The following ABCB1 variants were observed in gnomAD, a reference collection of about 807,000 sequenced individuals.
The protein encoded by ABCB1 is ATP binding cassette subfamily B member 1, also known as ATP-dependent translocase ABCB1.
A neutral mutation model predicts 142.0 loss-of-function variants in ABCB1; 69 were observed. The ratio of observed to expected loss-of-function variants is 0.49; its 90% CI spans 0.40 to 0.59. The LOEUF (loss-of-function observed/expected upper bound fraction) is 0.59, where lower values mean the gene tolerates loss of function less well. Ranked by LOEUF, ABCB1 falls within the 20% of genes least tolerant of loss-of-function variation. The pLI is 0.00. For synonymous variants in ABCB1, 532 were observed against 539.2 expected, an observed-to-expected ratio of 0.99 and a Z score of 0.18; for missense variants, 1,326 against 1,554.7, an observed-to-expected ratio of 0.85 and a Z score of 2.47.
Position 87,550,170 on chromosome 7 carries a change from C to T in ABCB1, c.1350+1G>A. 2 of 1,614,226 alleles carry T rather than the reference C, an allele frequency of 1.2e-6. No individual in the cohort carries two copies. The highest frequency in any genetic ancestry group is 1.7e-6 in the Non-Finnish European group (2 of 1,180,046). On this transcript the variant is annotated splice_donor_variant, in intron 12 of 27. Coordinates refer to ENST00000622132, the MANE Select transcript of ABCB1 (RefSeq NM_001348946.2). LOFTEE classifies it high-confidence loss of function. The stretch of plus-strand genomic sequence containing the variant: ...GGTCTAGCTCGCATGGGTCATCTCA[C>T]CATCCCCTCTGTGGGGTCATAGAGC...
At chr7:87,513,406 G>C (rs1239657847) in intron 25 of ABCB1, among the ~76,000 whole-genome samples, 2 of 152,038 alleles carry the variant, frequency 1.3e-5, no homozygotes, top group African/African-American at 4.8e-5. Context: ...TATACTTGCA[G>C]AATAATCATT....
intron 1 of ABCB1, among the ~76,000 whole-genome samples, chr7:87,704,507 C>T (rs1829419295): frequency 1.3e-5 from 2 of 152,190 alleles, no homozygotes; most frequent in Non-Finnish European, 2.9e-5. Flanking sequence ...AGAAATGTAG[C>T]ATTTGGACCT....
chr7:87,531,983 A>T lies in ABCB1; in HGVS notation c.2482-486T>A, dbSNP rs187161011. On this transcript the variant is annotated intron_variant, in intron 20 of 27. Coordinates refer to ENST00000622132, the MANE Select transcript of ABCB1 (RefSeq NM_001348946.2). ...GCTGAAAATTATGGAATTTAATTTAAGATAGTAAGCGCGCATTATTATCTT... is the reference window on the plus strand; with the variant it reads ...GCTGAAAATTATGGAATTTAATTTATGATAGTAAGCGCGCATTATTATCTT... 9.2e-5 allele frequency among the ~76,000 whole-genome samples: 14 copies of T among 152,326 alleles called. No individual in the cohort carries two copies. In the East Asian group the frequency reaches 2.7e-3, roughly 29 times the overall value.
At chr7:87,684,480 A>G (rs1827242586) in intron 1 of ABCB1, among the ~76,000 whole-genome samples, 1 of 152,112 alleles carries the variant, frequency 6.6e-6, no homozygotes, top group Non-Finnish European at 1.5e-5. Flanking sequence ...TTATACGTAT[A>G]GATAAATAGA....
intron 1 of ABCB1, among the ~76,000 whole-genome samples, chr7:87,611,773 G>A (rs1819860933): frequency 6.6e-6 from 1 of 152,026 alleles, no homozygotes; most frequent in Non-Finnish European, 1.5e-5. Context: ...AAAATAATCA[G>A]GGTATGAAGT....
intron 8 of ABCB1, among the ~76,000 whole-genome samples, chr7:87,556,167 A>G (rs1280548623): frequency 6.6e-6 from 1 of 152,244 alleles, no homozygotes; most frequent in East Asian, 1.9e-4. Flanking sequence ...AAAAGAGACT[A>G]AAGTTATATA....
intron 26 of ABCB1, among the ~76,000 whole-genome samples, chr7:87,508,252 G>A (rs952219653): frequency 6.6e-6 from 1 of 152,090 alleles, no homozygotes; most frequent in African/African-American, 2.4e-5. Context: ...TGCCACAAGT[G>A]GAAAATTTCA....
At chr7:87,677,326 T>C (rs1826473384) in intron 1 of ABCB1, among the ~76,000 whole-genome samples, 1 of 143,692 alleles carries the variant, frequency 7.0e-6, no homozygotes, top group South Asian at 2.2e-4. Flanking sequence ...TGGAATACCA[T>C]TTCAGATTTA....
chr7:87,579,201 A>G (rs1818404071), intron 4 of ABCB1, among the ~76,000 whole-genome samples: 1 of 152,092 alleles, frequency 6.6e-6, no homozygotes, highest in Non-Finnish European at 1.5e-5. Flanking sequence ...TTTCCAATTC[A>G]GATGCCTTTT....
At chr7:87,599,177 C>T (rs574990660) in intron 2 of ABCB1, among the ~76,000 whole-genome samples, 1 of 152,078 alleles carries the variant, frequency 6.6e-6, no homozygotes, top group Non-Finnish European at 1.5e-5. Context: ...ATTTACATTA[C>T]AGTTTCTAAT....
intron 4 of ABCB1, among the ~76,000 whole-genome samples, chr7:87,585,057 AT>A (rs1292853271): frequency 6.6e-6 from 1 of 151,878 alleles, no homozygotes; most frequent in Non-Finnish European, 1.5e-5. Flanking sequence ...TCTGGGATTT[AT>A]TGCTCAAATC....
intron 1 of ABCB1, among the ~76,000 whole-genome samples, chr7:87,683,070 T>C (rs535142769): frequency 6.6e-6 from 1 of 152,328 alleles, no homozygotes; most frequent in South Asian, 2.1e-4. Flanking sequence ...ATTATTTTTT[T>C]ATGTACAGAG....
chr7:87,517,364 TTC>T (rs3028303), intron 23 of ABCB1, among the ~76,000 whole-genome samples: 5 of 151,190 alleles, frequency 3.3e-5, no homozygotes, highest in Non-Finnish European at 5.9e-5. Context: ...CTCTCTCTCT[TTC>T]TCTCTCTCTC....
In ABCB1 at chr7:87,542,114, G is replaced by C. The variant is rs540416881; in HGVS notation, c.2212-650C>G. Among the ~76,000 whole-genome samples the C allele has an allele frequency of 2.0e-5, 3 of 152,190 alleles. No homozygotes were observed. In the East Asian group the frequency reaches 5.8e-4, roughly 29 times the overall value. ...AAAACACGTATCTCCCTTCACAGTG[G>C]GCCAAAATCAGTCTTGTAAGATAGT... On this transcript the variant is annotated intron_variant, in intron 17 of 27. Coordinates refer to ENST00000622132, the MANE Select transcript of ABCB1 (RefSeq NM_001348946.2).
intron 4 of ABCB1, among the ~76,000 whole-genome samples, chr7:87,580,954 C>G (rs1186887274): frequency 6.6e-6 from 1 of 151,722 alleles, no homozygotes; most frequent in Non-Finnish European, 1.5e-5. Flanking sequence ...ATGTTAAAAC[C>G]AAATAGTGTG....
intron 4 of ABCB1, among the ~76,000 whole-genome samples, chr7:87,576,009 T>C (rs1206873683): frequency 6.6e-6 from 1 of 152,130 alleles, no homozygotes; most frequent in Non-Finnish European, 1.5e-5. Flanking sequence ...TAATTCAACC[T>C]CCTGGGCATG....
intron 1 of ABCB1, among the ~76,000 whole-genome samples, chr7:87,676,343 T>C (rs758928176): frequency 3.3e-5 from 5 of 152,022 alleles, no homozygotes; most frequent in African/African-American, 1.2e-4. Context: ...TCCAATAAGG[T>C]GTTAATATCC....
rs189999777 is a variant in ABCB1 at position 87,639,083 on chromosome 7, C to T, written c.-330-38005G>A. Among the ~76,000 whole-genome samples the T allele has an allele frequency of 1.7e-4, 22 of 132,542 alleles. No individual in the cohort carries two copies. In the Admixed American group the frequency reaches 1.8e-3, roughly 11 times the overall value. 87.0% of individuals were successfully genotyped at this position (132,542 alleles called of 152,430 possible). The stretch of plus-strand genomic sequence containing the variant: ...AGGAGAATGGTGTAAACCCCGGAGG[C>T]GGAGCTTGCAGTGAGAAGAGACGGC... On this transcript the variant is annotated intron_variant, in intron 1 of 28. Transcript: ENST00000265724.
At chr7:87,516,325 T>G (rs1815246947) in intron 24 of ABCB1, among the ~76,000 whole-genome samples, 184 bp downstream of exon 24, 2 of 152,152 alleles carry the variant, frequency 1.3e-5, no homozygotes, top group Admixed American at 1.3e-4. Flanking sequence ...CCCTATAACC[T>G]TTGCTACGTA....
Sources: gnomAD v4.1 joint callset for allele counts (sites outside exome capture counted in the v4.1 genomes callset) on GRCh38, gnomAD v4.1.1 for gene constraint, MANE v1.5 for transcripts, NCBI Gene and HGNC (gene_info 2026-07-23, HGNC 2026-07-21) for gene names.